ABCG2: variants seen among roughly 807,000 people sequenced by gnomAD.
ABCG2 encodes the protein ATP binding cassette subfamily G member 2 (JR blood group).
ABCG2 carries 80 observed loss-of-function variants against 73.5 expected under a neutral mutation model. That is an observed-to-expected ratio of 1.09 (90% CI 0.91 to 1.31). ABCG2 has a LOEUF of 1.31. Among genes scored for constraint, ABCG2 ranks in the 50% most tolerant of loss-of-function variants. The probability of loss-of-function intolerance (pLI) is 0.00; values close to 1 mark genes in which losing one functional copy is unlikely to be tolerated. For synonymous variants in ABCG2, 269 were observed against 282.4 expected (o/e 0.95, Z 0.48); for missense variants, 796 against 786.2 (o/e 1.01, Z -0.15).
At chr4:88,194,198 T>C (rs1238051640) in intron 1 of ABCG2, among the ~76,000 whole-genome samples, 4 of 152,172 alleles carry the variant, frequency 2.6e-5, no homozygotes, top group Non-Finnish European at 5.9e-5. Context: ...GTAGCTACCC[T>C]GGACTGTGAA....
At chr4:88,108,912 C>T (rs1223321971) in intron 9 of ABCG2, among the ~76,000 whole-genome samples, 1 of 152,092 alleles carries the variant, frequency 6.6e-6, no homozygotes, top group African/African-American at 2.4e-5. Flanking sequence ...AAAATAAATG[C>T]AGATGACTGT....
At chr4:88,111,192 A>G (rs1234577120) in intron 9 of ABCG2, among the ~76,000 whole-genome samples, 3 of 152,100 alleles carry the variant, frequency 2.0e-5, no homozygotes, top group African/African-American at 7.2e-5. Flanking sequence ...AATTCAAGTT[A>G]TTTTCCAAGT....
At chr4:88,136,691 GTA>G (rs1725268958) in intron 2 of ABCG2, among the ~76,000 whole-genome samples, 3 of 138,210 alleles carry the variant, frequency 2.2e-5, no homozygotes, top group South Asian at 2.3e-4. Flanking sequence ...GGGCAACAAC[GTA>G]AGACCTTGTC....
chr4:88,179,662 A>ATAAC (rs1728152958), intron 1 of ABCG2, among the ~76,000 whole-genome samples: 1 of 152,252 alleles, frequency 6.6e-6, no homozygotes, highest in Non-Finnish European at 1.5e-5. Flanking sequence ...GAAATTCAAG[A>ATAAC]TAACACAAAG....
chr4:88,121,468 A>C (rs564549431), intron 6 of ABCG2, among the ~76,000 whole-genome samples, 167 bp downstream of exon 6: 2 of 152,232 alleles, frequency 1.3e-5, no homozygotes, highest in South Asian at 4.2e-4. Context: ...CTACATTCTT[A>C]CCTGCTTTGT....
At chr4:88,117,199 C>T (rs1196083284) in intron 7 of ABCG2, among the ~76,000 whole-genome samples, 2 of 151,916 alleles carry the variant, frequency 1.3e-5, no homozygotes, top group East Asian at 3.9e-4. Context: ...TGGCATGTGT[C>T]TATAGTCCCA....
chr4:88,093,717 G>A (rs1182881134), intron 15 of ABCG2, among the ~76,000 whole-genome samples: 2 of 152,048 alleles, frequency 1.3e-5, no homozygotes, highest in South Asian at 2.1e-4. Context: ...CAATTCAAAA[G>A]AGTAATTTGT....
chr4:88,139,127 C>T (rs1351123508), intron 2 of ABCG2, among the ~76,000 whole-genome samples: 43 of 146,728 alleles, frequency 2.9e-4, no homozygotes, highest in African/African-American at 1.0e-3. Context: ...GGTGATAGAG[C>T]GAGACTCCCT....
chr4:88,142,309 A>T (rs1470219459), intron 1 of ABCG2, among the ~76,000 whole-genome samples: 2 of 152,152 alleles, frequency 1.3e-5, no homozygotes, highest in East Asian at 3.9e-4. Flanking sequence ...AAGAAACTCT[A>T]GGAACACCAA....
intron 1 of ABCG2, among the ~76,000 whole-genome samples, chr4:88,212,125 CA>C (rs1729627463): frequency 6.6e-6 from 1 of 152,070 alleles, no homozygotes; most frequent in Admixed American, 6.6e-5. Context: ...AGGTGAAAAC[CA>C]AAAGTAATCA....
At position 88,118,180 on chromosome 4, in the gene ABCG2, GT is replaced by G; in HGVS notation, c.769del (p.Thr257ProfsTer51). On this transcript the variant is annotated frameshift_variant, in exon 7 of 16. Transcript: ENST00000237612. LOFTEE classifies it high-confidence loss of function. ...YSIFKLFDSL[T>X]LLASGRLMFH... ...CATAAGTCTTCCTGAGGCCAATAAG[GT>G]GAGGCTATCAAACAACTTGAAGATG... 6.2e-7 allele frequency: 1 copy of G among 1,614,142 alleles called. No homozygotes were observed. The highest frequency in any genetic ancestry group is 8.5e-7 in the Non-Finnish European group (1 of 1,180,002).
chr4:88,110,124 T>A (rs1361566507), intron 9 of ABCG2, among the ~76,000 whole-genome samples: 1 of 152,150 alleles, frequency 6.6e-6, no homozygotes, highest in Non-Finnish European at 1.5e-5. Flanking sequence ...TCATTTTATT[T>A]ATCATTGAAT....
chr4:88,147,023 A>AAGAAAGAAAGAAAGAAAG (rs1560713805), intron 1 of ABCG2, among the ~76,000 whole-genome samples: 2 of 150,414 alleles, frequency 1.3e-5, no homozygotes, highest in Non-Finnish European at 3.0e-5. Context: ...AAAGGAAAGA[A>AAGAAAGAAAGAAAGAAAG]AGAAAGAAAG....
intron 9 of ABCG2, among the ~76,000 whole-genome samples, chr4:88,110,184 T>G (rs1349961771): frequency 6.6e-6 from 1 of 152,104 alleles, no homozygotes; most frequent in Non-Finnish European, 1.5e-5. Flanking sequence ...TTATATAAAA[T>G]TCAAATTTCA....
At chr4:88,211,785 C>T (rs1294264821) in intron 1 of ABCG2, among the ~76,000 whole-genome samples, 1 of 152,108 alleles carries the variant, frequency 6.6e-6, no homozygotes, top group Admixed American at 6.5e-5. Context: ...CTTGAAGATA[C>T]AGTCAAACCG....
At chr4:88,227,616 T>G (rs1328115458) in intron 1 of ABCG2, among the ~76,000 whole-genome samples, 1 of 152,088 alleles carries the variant, frequency 6.6e-6, no homozygotes, top group Non-Finnish European at 1.5e-5. Context: ...TCTCTGGAGT[T>G]GGAGCCCAAG....
At chr4:88,186,362 G>C (rs925510825) in intron 1 of ABCG2, among the ~76,000 whole-genome samples, 2 of 152,176 alleles carry the variant, frequency 1.3e-5, no homozygotes, top group African/African-American at 4.8e-5. Context: ...GGGGCCAGGC[G>C]CAGTGGCTTA....
At chr4:88,217,594 G>A (rs1578286585) in intron 1 of ABCG2, among the ~76,000 whole-genome samples, 1 of 151,896 alleles carries the variant, frequency 6.6e-6, no homozygotes, top group African/African-American at 2.4e-5. Flanking sequence ...CCCAGTAGGT[G>A]GAGGTTGCAG....
chr4:88,136,948 G>A (rs1432285662), intron 2 of ABCG2, among the ~76,000 whole-genome samples: 1 of 151,020 alleles, frequency 6.6e-6, no homozygotes, highest in Non-Finnish European at 1.5e-5. Flanking sequence ...GGAGCCGGAA[G>A]TTGCAGTGAG....
Sources: gnomAD v4.1 joint callset for allele counts (sites outside exome capture counted in the v4.1 genomes callset) on GRCh38, gnomAD v4.1.1 for gene constraint, MANE v1.5 for transcripts, NCBI Gene and HGNC (gene_info 2026-07-23, HGNC 2026-07-21) for gene names.